PCDHA4: variants seen among roughly 807,000 people sequenced by gnomAD.
The protein encoded by PCDHA4 is protocadherin alpha-4.
In PCDHA4, 49 loss-of-function variants were observed where a neutral mutation model predicts 61.4. The observed-to-expected ratio is 0.80, with a 90% CI of 0.63 to 1.01. The LOEUF (loss-of-function observed/expected upper bound fraction) is 1.01. Ranked by LOEUF, PCDHA4 falls within the 50% of genes least tolerant of loss-of-function variation. The pLI is 0.00. For synonymous variants in PCDHA4, 590 were observed against 550.3 expected (o/e 1.07, Z -1.01); for missense variants, 1,254 against 1,235.8 (o/e 1.01, Z -0.22).
intron 1 of PCDHA4, among the ~76,000 whole-genome samples, chr5:140,915,626 G>C (rs928151112): frequency 6.1e-5 from 9 of 146,436 alleles, no homozygotes; most frequent in East Asian, 4.1e-4. Flanking sequence ...GTCTCTTTCT[G>C]TCTCTCTCTC....
At chr5:140,867,411 AT>A (rs2049946393) in intron 1 of PCDHA4, 2 of 152,130 alleles carry the variant, frequency 1.3e-5, no homozygotes, top group South Asian at 2.1e-4. Context: ...GTCTCCTTTA[AT>A]TTTTTAATAC....
intron 1 of PCDHA4, chr5:140,966,461 C>A: frequency 2.3e-6 from 1 of 429,006 alleles, no homozygotes; most frequent in East Asian, 3.5e-5. Flanking sequence ...CCCCCTCTGT[C>A]TTCCCTTCTG....
intron 1 of PCDHA4, chr5:140,835,550 G>A (rs2150238001): frequency 6.2e-7 from 1 of 1,613,928 alleles, no homozygotes; most frequent in South Asian, 1.1e-5. Context: ...CCTGCTCCCT[G>A]ACGCCCCGCG....
intron 1 of PCDHA4, among the ~76,000 whole-genome samples, chr5:140,879,152 A>C (rs1369330748): frequency 6.6e-6 from 1 of 152,210 alleles, no homozygotes; most frequent in African/African-American, 2.4e-5. Context: ...CAGGAAAGCT[A>C]TTTCTTTTTT....
rs1554228572 is a variant in PCDHA4 at position 140,966,716 on chromosome 5, G to A, written c.2386-12233G>A. On this transcript the variant is annotated intron_variant, in intron 1 of 3. Transcript: ENST00000530339. Reference sequence around the variant, plus strand: ...GGCCCGGGCGTGGGGCACGGCTGGGGAAGCTGCCGCCTCCGGCCCTGCCCG... The same window carrying A: ...GGCCCGGGCGTGGGGCACGGCTGGGAAAGCTGCCGCCTCCGGCCCTGCCCG... The A allele has an allele frequency of 2.3e-5, 32 of 1,394,682 alleles. No homozygotes were observed. The South Asian group carries it at 5.0e-4, about 22-fold the overall frequency. The allele number at this position is 1,394,682 out of a possible 1,614,324, so 86.4% of individuals were successfully genotyped here. A position where few individuals can be genotyped will look rare whatever the true frequency, so the allele number is the denominator to read the frequency against.
intron 3 of PCDHA4, among the ~76,000 whole-genome samples, chr5:140,984,079 G>A (rs1554245959): frequency 2.0e-5 from 3 of 152,244 alleles, no homozygotes; most frequent in Admixed American, 2.0e-4. Context: ...CAACGATGGA[G>A]TGAAGAAATG....
At chr5:140,843,143 T>A in intron 1 of PCDHA4, 1 of 1,595,956 alleles carries the variant, frequency 6.3e-7, no homozygotes, top group Non-Finnish European at 8.6e-7. Context: ...CGCGTGGCTT[T>A]CGTATGAGCT....
intron 1 of PCDHA4, among the ~76,000 whole-genome samples, chr5:140,909,403 G>A (rs533159317): frequency 2.0e-4 from 31 of 152,280 alleles, no homozygotes; most frequent in African/African-American, 7.2e-4. Flanking sequence ...AGCTGCAATT[G>A]CAGTTACCAT....
At chr5:140,851,405 GAAAGAAA>G in intron 1 of PCDHA4, 2 of 966,032 alleles carry the variant, frequency 2.1e-6, no homozygotes, top group Non-Finnish European at 2.5e-6. Context: ...ATTTTAATAA[GAAAGAAA>G]CTTCCCCTAA....
chr5:140,994,786 T>C (rs1219918332), intron 3 of PCDHA4, among the ~76,000 whole-genome samples: 4 of 152,086 alleles, frequency 2.6e-5, no homozygotes, highest in Non-Finnish European at 5.9e-5. Context: ...AAGGAAACAA[T>C]GCGTGCATGC....
At chr5:140,893,771 T>C (rs1428542584) in intron 1 of PCDHA4, among the ~76,000 whole-genome samples, 1 of 152,186 alleles carries the variant, frequency 6.6e-6, no homozygotes, top group African/African-American at 2.4e-5. Flanking sequence ...CTTGTCACTT[T>C]TCTTTTACCG....
intron 1 of PCDHA4, chr5:140,877,514 G>C: frequency 6.2e-7 from 1 of 1,613,764 alleles, no homozygotes; most frequent in South Asian, 1.1e-5. Context: ...ACGTCGTCGC[G>C]GGCCTCAGTG....
intron 1 of PCDHA4, chr5:140,856,628 G>C (rs782445037): frequency 1.9e-6 from 3 of 1,598,180 alleles, no homozygotes; most frequent in East Asian, 4.5e-5. Context: ...CCCAGTGCTT[G>C]TTCTGCGGAA....
chr5:140,886,159 C>T (rs1006053368), intron 1 of PCDHA4, among the ~76,000 whole-genome samples: 16 of 152,164 alleles, frequency 1.1e-4, no homozygotes, highest in Non-Finnish European at 2.1e-4. Flanking sequence ...TTTTTATAGC[C>T]ACATCTGCTT....
At chr5:140,875,056 G>C (rs1554167464) in intron 1 of PCDHA4, among the ~76,000 whole-genome samples, 1 of 152,176 alleles carries the variant, frequency 6.6e-6, no homozygotes, top group Non-Finnish European at 1.5e-5. Context: ...CTTTGAAGCA[G>C]AAAACATTTT....
At chr5:140,848,357 T>G in intron 1 of PCDHA4, 2 of 1,035,378 alleles carry the variant, frequency 1.9e-6, no homozygotes, top group Non-Finnish European at 2.9e-6. Flanking sequence ...CCTTTTCCCA[T>G]GGGAAAGAGG....
At chr5:140,996,842 T>C (rs2097749816) in intron 3 of PCDHA4, among the ~76,000 whole-genome samples, 1 of 152,240 alleles carries the variant, frequency 6.6e-6, no homozygotes, top group African/African-American at 2.4e-5. Context: ...TTAGCGTGCA[T>C]CTTCAGAATT....
At position 140,877,504 on chromosome 5, in the gene PCDHA4, A is replaced by T. The variant is rs532509235; in HGVS notation, c.2385+67932A>T. The T allele has an allele frequency of 1.1e-5, 18 of 1,613,764 alleles. No individual in the cohort carries two copies. The South Asian group carries it at 1.3e-4, about 12-fold the overall frequency. On this transcript the variant is annotated intron_variant, in intron 1 of 3. Coordinates refer to ENST00000530339, the MANE Select transcript of PCDHA4 (RefSeq NM_018907.4). ...GGTGGAGAACGGCCAGGCCCCAAAG[A>T]CGTCGTCGCGGGCCTCAGTGGGCGC...
At chr5:141,008,206 G>A (rs979113429) in intron 3 of PCDHA4, among the ~76,000 whole-genome samples, 1 of 152,184 alleles carries the variant, frequency 6.6e-6, no homozygotes, top group African/African-American at 2.4e-5. Flanking sequence ...TAATGAACTT[G>A]ACATGAGTTA....
Sources: gnomAD v4.1 joint callset for allele counts (sites outside exome capture counted in the v4.1 genomes callset) on GRCh38, gnomAD v4.1.1 for gene constraint, MANE v1.5 for transcripts, NCBI Gene and HGNC (gene_info 2026-07-23, HGNC 2026-07-21) for gene names.